The following NPHS2 variants were observed in gnomAD, a reference collection of about 807,000 sequenced individuals.
NPHS2 encodes the protein NPHS2 stomatin family member, podocin.
NPHS2 carries 36 observed loss-of-function variants against 37.1 expected under a neutral mutation model. The ratio of observed to expected loss-of-function variants is 0.97; its 90% CI spans 0.74 to 1.28. The LOEUF is 1.28. Ranked by LOEUF, NPHS2 falls within the 50% of genes most tolerant of loss-of-function variation. NPHS2 has a pLI of 0.00. For missense variants in NPHS2, 447 were observed against 488.1 expected (o/e 0.92, Z 0.79); for synonymous variants, 196 against 189.3 (o/e 1.04, Z -0.29).
At chr1:179,567,233 T>C (rs1187119591) in intron 1 of NPHS2, among the ~76,000 whole-genome samples, 1 of 152,202 alleles carries the variant, frequency 6.6e-6, no homozygotes, top group African/African-American at 2.4e-5. Flanking sequence ...CTATCCTCTT[T>C]TATTTAGTTG....
chr1:179,560,368 G>C (rs1674088482), intron 3 of NPHS2, among the ~76,000 whole-genome samples: 1 of 152,150 alleles, frequency 6.6e-6, no homozygotes, highest in African/African-American at 2.4e-5. Context: ...ATTGGATTCT[G>C]TGGGCTCCTG....
At chr1:179,566,881 G>A (rs887950650) in intron 1 of NPHS2, among the ~76,000 whole-genome samples, 9 of 152,174 alleles carry the variant, frequency 5.9e-5, no homozygotes, top group Non-Finnish European at 1.2e-4. Context: ...TTGTAGATGT[G>A]TTGTGTTATT....
chr1:179,551,950 C>T lies in NPHS2; in HGVS notation c.874-499G>A, dbSNP rs144528979. ...CTATCCTCCTCCCCTTCCTCATCCCCGCCTCCCCTCAGTGATCCACAGGCA... is the reference window on the plus strand; with the variant it reads ...CTATCCTCCTCCCCTTCCTCATCCCTGCCTCCCCTCAGTGATCCACAGGCA... On this transcript the variant is annotated intron_variant, in intron 7 of 7. Transcript: ENST00000367615. 206 of 171,432 alleles carry T rather than the reference C, an allele frequency of 1.2e-3. 1 individual carries two copies. The highest frequency in any genetic ancestry group is 2.1e-3 in the Non-Finnish European group (165 of 78,924). 10.6% of individuals were successfully genotyped at this position (171,432 alleles called of 1,614,324 possible).
At chr1:179,567,913 A>G (rs1430102499) in intron 1 of NPHS2, among the ~76,000 whole-genome samples, 1 of 152,214 alleles carries the variant, frequency 6.6e-6, no homozygotes, top group Admixed American at 6.5e-5. Context: ...CCAGGGATGA[A>G]GCCAACTTGA....
chr1:179,564,623 G>A, intron 2 of NPHS2, 67 bp downstream of exon 2: 8 of 1,291,184 alleles, frequency 6.2e-6, no homozygotes, highest in Non-Finnish European at 9.0e-6. Flanking sequence ...ACAGAAGTGA[G>A]AATGGGCATG....
chr1:179,557,029 T>C lies in NPHS2; in HGVS notation c.736A>G (p.Lys246Glu). The C allele has an allele frequency of 1.2e-6, 2 of 1,611,762 alleles. No homozygotes were observed. The highest frequency in any genetic ancestry group is 1.7e-6 in the Non-Finnish European group (2 of 1,178,240). The change falls in exon 5 of 8, where the codon AAG (lysine) becomes GAG (glutamate). Residue 246 changes from lysine to glutamate, a missense_variant and splice_region_variant. Coordinates refer to ENST00000367615, the MANE Select transcript of NPHS2 (RefSeq NM_014625.4). Reference sequence around the variant, plus strand: ...GGCCATTATGTTTATCTAAGTACCTTTGCATCTTGGGCGATGCTCTTCCTC... The same window carrying C: ...GGCCATTATGTTTATCTAAGTACCTCTGCATCTTGGGCGATGCTCTTCCTC... The part of the protein sequence containing the change: ...LERKSIAQDA[K>E]VALDSVTCIW...
At chr1:179,554,016 G>A (rs577107404) in intron 6 of NPHS2, among the ~76,000 whole-genome samples, 105 of 151,578 alleles carry the variant, frequency 6.9e-4, no homozygotes, top group African/African-American at 1.6e-3. Context: ...GGGTTCAAGC[G>A]ATTCTTCTGC....
chr1:179,564,729 G>T lies in NPHS2; in HGVS notation c.339C>A (p.Ile113=), dbSNP rs764760901. The change falls in exon 2 of 8, where the codon ATC becomes ATA. Residue 113 remains isoleucine, a synonymous_variant. Transcript: ENST00000367615. ...AGATGGAAAAAGGGAAGGTCATGAT[G>T]ATGAAGAGCAGGGAAATGAGGACAA... ...WLLVLISLLF[I]IMTFPFSIWF... 2 of 1,614,004 alleles carry T rather than the reference G, an allele frequency of 1.2e-6. No homozygotes were observed. Among genetic ancestry groups the T allele is most frequent in the African/African-American group, 1.3e-5 (1 of 74,900 alleles).
At chr1:179,566,981 T>C (rs1272455993) in intron 1 of NPHS2, among the ~76,000 whole-genome samples, 2 of 146,950 alleles carry the variant, frequency 1.4e-5, no homozygotes, top group African/African-American at 4.9e-5. Flanking sequence ...TGTAGTATAG[T>C]TTGAAGTCAG....
intron 4 of NPHS2, among the ~76,000 whole-genome samples, chr1:179,557,827 T>C (rs1673994664): frequency 6.6e-6 from 1 of 152,096 alleles, no homozygotes. Flanking sequence ...CCATTTAAAA[T>C]AAAGAGATAG....
At chr1:179,572,052 G>C (rs1324693471) in intron 1 of NPHS2, among the ~76,000 whole-genome samples, 1 of 152,236 alleles carries the variant, frequency 6.6e-6, no homozygotes, top group Non-Finnish European at 1.5e-5. Context: ...CCCTGCTTCA[G>C]CTCACCCTCC....
At chr1:179,568,021 T>G (rs1674403546) in intron 1 of NPHS2, among the ~76,000 whole-genome samples, 1 of 152,326 alleles carries the variant, frequency 6.6e-6, no homozygotes, top group East Asian at 1.9e-4. Flanking sequence ...TCTCTTTTTT[T>G]GTTGTGTCTC....
Position 179,551,111 on chromosome 1 carries a change from C to T in NPHS2, c.*62G>A. Reference sequence around the variant, plus strand: ...GGCAGGGAATGAGGACAGAGTGTCTCCCTCAGGCATGTGACTTTTCTATGG... The same window carrying T: ...GGCAGGGAATGAGGACAGAGTGTCTTCCTCAGGCATGTGACTTTTCTATGG... On this transcript the variant is annotated 3_prime_UTR_variant, in exon 8 of 8. Transcript: ENST00000367615. 3.7e-6 allele frequency: 6 copies of T among 1,602,924 alleles called. No individual in the cohort carries two copies. Among genetic ancestry groups the T allele is most frequent in the Non-Finnish European group, 5.1e-6 (6 of 1,171,474 alleles).
At chr1:179,572,550 CAATA>C (rs1674603575) in intron 1 of NPHS2, among the ~76,000 whole-genome samples, 1 of 151,826 alleles carries the variant, frequency 6.6e-6, no homozygotes, top group Admixed American at 6.6e-5. Flanking sequence ...TACATGTGCT[CAATA>C]AATATTAGTT....
chr1:179,575,692 CG>C lies in NPHS2; in HGVS notation c.172del (p.Arg58GlufsTer41). On this transcript the variant is annotated frameshift_variant, in exon 1 of 8. Coordinates refer to ENST00000367615, the MANE Select transcript of NPHS2 (RefSeq NM_014625.4). LOFTEE classifies it high-confidence loss of function. ...SGRAGTPGEP[R>X]APAATVVDVD... is the part of the protein sequence containing the mutation. ...GTCCACCACCGTGGCGGCGGGCGCT[CG>C]GGGCTCCCCCGGGGTCCCCGCCCGT... is the stretch of plus-strand genomic sequence containing the variant. 6.3e-7 allele frequency: 1 copy of C among 1,588,496 alleles called. No individual in the cohort carries two copies.
chr1:179,559,294 C>A (rs1041587659), intron 4 of NPHS2, among the ~76,000 whole-genome samples: 1 of 152,182 alleles, frequency 6.6e-6, no homozygotes, highest in African/African-American at 2.4e-5. Flanking sequence ...AGTACCTTCA[C>A]AGTAACATCC....
intron 6 of NPHS2, among the ~76,000 whole-genome samples, chr1:179,554,024 TG>T (rs1673708941): frequency 1.3e-5 from 2 of 151,928 alleles, no homozygotes; most frequent in African/African-American, 2.4e-5. Flanking sequence ...GCGATTCTTC[TG>T]CCTCAGCCTC....
intron 6 of NPHS2, 163 bp from the exon 7 acceptor site, chr1:179,552,844 G>A (rs1236890224): frequency 2.9e-6 from 2 of 679,618 alleles, no homozygotes; most frequent in East Asian, 5.5e-5. Flanking sequence ...AAAGTAGGCA[G>A]ATCTCCAAGG....
Position 179,560,600 on chromosome 1 carries a change from G to A in NPHS2, c.451+689C>T, listed in dbSNP as rs1674100274. On this transcript the variant is annotated intron_variant, in intron 3 of 7. Coordinates refer to ENST00000367615, the MANE Select transcript of NPHS2 (RefSeq NM_014625.4). ...GATATTTGTCCCTAGTCTGGTCTCTGTGGGCGTGTCCTGGAACTCAGACCC... is the reference window on the plus strand; with the variant it reads ...GATATTTGTCCCTAGTCTGGTCTCTATGGGCGTGTCCTGGAACTCAGACCC... Among the ~76,000 whole-genome samples the A allele has an allele frequency of 2.0e-5, 3 of 152,146 alleles. No homozygotes were observed. In the South Asian group the frequency reaches 6.2e-4, roughly 32 times the overall value.
Sources: gnomAD v4.1 joint callset for allele counts (sites outside exome capture counted in the v4.1 genomes callset) on GRCh38, gnomAD v4.1.1 for gene constraint, MANE v1.5 for transcripts, NCBI Gene and HGNC (gene_info 2026-07-23, HGNC 2026-07-21) for gene names.